ST6GALNAC5: variants seen among roughly 807,000 people sequenced by gnomAD.
The protein encoded by ST6GALNAC5 is ST6 N-acetylgalactosaminide alpha-2,6-sialyltransferase 5, also known as alpha-N-acetylgalactosaminide alpha-2,6-sialyltransferase 5.
ST6GALNAC5 carries 27 observed loss-of-function variants against 33.6 expected under a neutral mutation model. The observed-to-expected ratio is 0.80, with a 90% CI of 0.59 to 1.11. The LOEUF (loss-of-function observed/expected upper bound fraction) is 1.11. Ranked by LOEUF, ST6GALNAC5 falls within the 50% of genes least tolerant of loss-of-function variation. ST6GALNAC5 has a pLI of 0.00. For missense variants in ST6GALNAC5, 428 were observed against 454.0 expected, an observed-to-expected ratio of 0.94 and a Z score of 0.52; for synonymous variants, 194 against 171.2, an observed-to-expected ratio of 1.13 and a Z score of -1.04.
chr1:76,903,238 A>T (rs979461840), intron 2 of ST6GALNAC5, among the ~76,000 whole-genome samples: 3 of 152,184 alleles, frequency 2.0e-5, no homozygotes, highest in African/African-American at 7.2e-5. Flanking sequence ...ATCTCAATAG[A>T]CGTATCTCCA....
At chr1:76,869,350 A>C (rs1451624242) in intron 2 of ST6GALNAC5, among the ~76,000 whole-genome samples, 1 of 152,162 alleles carries the variant, frequency 6.6e-6, no homozygotes, top group Non-Finnish European at 1.5e-5. Context: ...CCTTCCGGGA[A>C]GCTGCTGCAT....
intron 2 of ST6GALNAC5, among the ~76,000 whole-genome samples, chr1:76,961,465 TTGTCTTGGGG>T (rs1376249976): frequency 2.0e-5 from 3 of 152,204 alleles, no homozygotes; most frequent in African/African-American, 7.2e-5. Flanking sequence ...ATGGTTTTCA[TTGTCTTGGGG>T]TGAGGAACAA....
At chr1:76,924,282 T>C (rs900545473) in intron 2 of ST6GALNAC5, among the ~76,000 whole-genome samples, 3 of 152,350 alleles carry the variant, frequency 2.0e-5, no homozygotes, top group Admixed American at 6.5e-5. Context: ...AGAGATACTC[T>C]GAAAGTATCT....
intron 2 of ST6GALNAC5, among the ~76,000 whole-genome samples, chr1:76,888,318 C>G (rs1431324405): frequency 1.3e-5 from 2 of 151,968 alleles, no homozygotes; most frequent in Non-Finnish European, 2.9e-5. Context: ...TAACAGGTGC[C>G]TGAGTGATGC....
intron 2 of ST6GALNAC5, among the ~76,000 whole-genome samples, chr1:77,003,908 T>C (rs1650278358): frequency 7.2e-6 from 1 of 139,644 alleles, no homozygotes. Context: ...GACCTTTCTC[T>C]CTGGCTGCCC....
At chr1:77,045,252 G>C (rs1651969462) in intron 3 of ST6GALNAC5, among the ~76,000 whole-genome samples, 1 of 152,130 alleles carries the variant, frequency 6.6e-6, no homozygotes, top group Non-Finnish European at 1.5e-5. Context: ...TTTTTCTAAA[G>C]TAATGGGAAG....
chr1:76,965,478 T>C (rs1648430133), intron 2 of ST6GALNAC5, among the ~76,000 whole-genome samples: 1 of 152,232 alleles, frequency 6.6e-6, no homozygotes, highest in Non-Finnish European at 1.5e-5. Flanking sequence ...TCTAAATTTG[T>C]TTAAGTTCTT....
intron 2 of ST6GALNAC5, among the ~76,000 whole-genome samples, chr1:76,986,212 T>C (rs1335443205): frequency 6.6e-6 from 1 of 152,126 alleles, no homozygotes; most frequent in East Asian, 1.9e-4. Flanking sequence ...GAAACTATCA[T>C]CAGAGTGAGC....
In ST6GALNAC5 at chr1:76,927,861, A is replaced by G. The variant is rs115794444; in HGVS notation, c.261+59119A>G. On this transcript the variant is annotated intron_variant, in intron 2 of 4. Coordinates refer to ENST00000477717, the MANE Select transcript of ST6GALNAC5 (RefSeq NM_030965.3). Reference sequence around the variant, plus strand: ...TTAAATTTGATTGATGAGTTTATCCATAAGGTTGTTCACAAATCTGTTAAA... The same window carrying G: ...TTAAATTTGATTGATGAGTTTATCCGTAAGGTTGTTCACAAATCTGTTAAA... Among the ~76,000 whole-genome samples, 875 of 152,266 alleles carry G rather than the reference A, an allele frequency of 5.7e-3. 7 individuals carry two copies. The highest frequency in any genetic ancestry group is 0.02 in the African/African-American group (826 of 41,564).
chr1:77,002,567 T>A (rs1358620677), intron 2 of ST6GALNAC5, among the ~76,000 whole-genome samples: 1 of 150,096 alleles, frequency 6.7e-6, no homozygotes, highest in Non-Finnish European at 1.5e-5. Context: ...TTTCTAGTTC[T>A]TTTAATTGTG....
chr1:77,056,009 A>T (rs577010314), intron 4 of ST6GALNAC5, among the ~76,000 whole-genome samples: 1 of 152,192 alleles, frequency 6.6e-6, no homozygotes. Context: ...TGAGAAGTCA[A>T]TGAGGGCCAC....
intron 2 of ST6GALNAC5, among the ~76,000 whole-genome samples, chr1:76,960,942 A>G (rs1648209754): frequency 6.6e-6 from 1 of 152,182 alleles, no homozygotes; most frequent in African/African-American, 2.4e-5. Flanking sequence ...GAGGCGACAT[A>G]CATCCCCCTC....
chr1:76,956,127 T>C (rs1647956031), intron 2 of ST6GALNAC5, among the ~76,000 whole-genome samples: 2 of 152,168 alleles, frequency 1.3e-5, no homozygotes, highest in South Asian at 2.1e-4. Flanking sequence ...GTAATGTTAC[T>C]GTTAGGAGTC....
rs192351455 is a variant in ST6GALNAC5, at chr1:76,900,919, G to T, written c.261+32177G>T. 5.3e-4 allele frequency among the ~76,000 whole-genome samples: 81 copies of T among 152,192 alleles called. 1 individual carries two copies. Among genetic ancestry groups the T allele is most frequent in the African/African-American group, 1.8e-3 (76 of 41,550 alleles). ...TGTGAACAGTCTTATGGATTAATAC[G>T]TTCTCAGAACATCAGTGTTTTAGCA... is the stretch of plus-strand genomic sequence containing the variant. On this transcript the variant is annotated intron_variant, in intron 2 of 4. Transcript: ENST00000477717.
chr1:76,886,701 CT>C (rs528494776), intron 2 of ST6GALNAC5, among the ~76,000 whole-genome samples: 107 of 152,280 alleles, frequency 7.0e-4, no homozygotes, highest in Middle Eastern at 3.4e-3. Context: ...GTAATAACTC[CT>C]TATTCTCCTC....
intron 2 of ST6GALNAC5, among the ~76,000 whole-genome samples, chr1:77,009,368 A>G (rs1161710113): frequency 6.6e-6 from 1 of 152,130 alleles, no homozygotes. Context: ...ATTTTTGTTC[A>G]TGGGTATAGG....
chr1:76,985,292 A>G (rs1266239293), intron 2 of ST6GALNAC5, among the ~76,000 whole-genome samples: 1 of 152,236 alleles, frequency 6.6e-6, no homozygotes, highest in East Asian at 1.9e-4. Flanking sequence ...AATCTCCTTA[A>G]GCTGATAAGC....
At chr1:77,030,462 T>G (rs1363408171) in intron 2 of ST6GALNAC5, among the ~76,000 whole-genome samples, 1 of 152,254 alleles carries the variant, frequency 6.6e-6, no homozygotes, top group Non-Finnish European at 1.5e-5. Flanking sequence ...TAAAAATTGA[T>G]CGTCATTATG....
At chr1:76,986,099 A>G (rs1414873663) in intron 2 of ST6GALNAC5, among the ~76,000 whole-genome samples, 2 of 152,246 alleles carry the variant, frequency 1.3e-5, no homozygotes, top group Admixed American at 1.3e-4. Flanking sequence ...AGGCATGGGC[A>G]AGGACTTCAT....
Sources: allele counts gnomAD v4.1 joint callset (sites outside exome capture counted in the v4.1 genomes callset), GRCh38; gene constraint gnomAD v4.1.1; transcripts MANE v1.5; gene names NCBI Gene and HGNC (gene_info 2026-07-23, HGNC 2026-07-21).